Variants in SPTA1 observed in about 807,000 individuals in gnomAD.
The protein encoded by SPTA1 is spectrin alpha chain, erythrocytic 1.
SPTA1 carries 177 observed loss-of-function variants against 324.7 expected under a neutral mutation model. The observed-to-expected ratio is 0.55, with a 90% CI of 0.48 to 0.62. The LOEUF (loss-of-function observed/expected upper bound fraction) is 0.62, where lower values mean the gene tolerates loss of function less well. Among genes scored for constraint, SPTA1 ranks in the 20% least tolerant of loss-of-function variants. SPTA1 has a pLI of 0.00. For synonymous variants in SPTA1, 1,195 were observed against 1,041.3 expected (o/e 1.15, Z -2.84); for missense variants, 3,162 against 2,883.6 (o/e 1.10, Z -2.21).
At chr1:158,678,122 T>G (rs1654522623) in intron 6 of SPTA1, among the ~76,000 whole-genome samples, 1 of 152,074 alleles carries the variant, frequency 6.6e-6, no homozygotes, top group Admixed American at 6.6e-5. Context: ...TCCATTTAAT[T>G]ATTAACCTGC....
Position 158,613,840 on chromosome 1 carries a change from G to T in SPTA1, c.6870C>A (p.Arg2290=), listed in dbSNP as rs376766197. 1.9e-5 allele frequency: 30 copies of T among 1,613,646 alleles called. No individual in the cohort carries two copies. In the African/African-American group the frequency reaches 3.9e-4, roughly 21 times the overall value. ...AGGACCGGAACTCTTTGTGAGTCAG[G>T]CGCCCTGTCAAATTCTCATCAAAGT... ...YKHFDENLTG[R]LTHKEFRSCL... Residue 2290 remains arginine (R), a synonymous_variant, in exon 50 of 52, where the codon CGC becomes CGA. Transcript: ENST00000643759.
chr1:158,679,491 T>C (rs1378266335), intron 5 of SPTA1, among the ~76,000 whole-genome samples: 1 of 152,100 alleles, frequency 6.6e-6, no homozygotes, highest in Non-Finnish European at 1.5e-5. Context: ...ACTTTCATTT[T>C]CTATTCTCAC....
chr1:158,669,439 T>C lies in SPTA1; in HGVS notation c.1802A>G (p.Lys601Arg), dbSNP rs1653842579. 6.2e-7 allele frequency: 1 copy of C among 1,614,156 alleles called. No individual in the cohort carries two copies. Among genetic ancestry groups the C allele is most frequent in the South Asian group, 1.1e-5 (1 of 91,086 alleles). Residue 601 changes from lysine (K) to arginine (R), a missense_variant, in exon 14 of 52, where the codon AAG (lysine) becomes AGG (arginine). Transcript: ENST00000643759. ...SDDLKNWINK[K>R]KKLADDEDYK... ...ATCTTCATCATCTGCCAACTTTTTCTTCTTGTTGATCCAGTTCTTTAGGTC... is the reference window on the plus strand; with the variant it reads ...ATCTTCATCATCTGCCAACTTTTTCCTCTTGTTGATCCAGTTCTTTAGGTC...
At chr1:158,653,074 T>C (rs1428662561) in intron 22 of SPTA1, among the ~76,000 whole-genome samples, 200 bp downstream of exon 22, 1 of 152,056 alleles carries the variant, frequency 6.6e-6, no homozygotes, top group Admixed American at 6.6e-5. Context: ...CTCAGGAAAT[T>C]GATGGAATGA....
chr1:158,662,509 A>G (rs1356597788), intron 17 of SPTA1, among the ~76,000 whole-genome samples, 193 bp downstream of exon 17: 2 of 152,258 alleles, frequency 1.3e-5, no homozygotes, highest in East Asian at 1.9e-4. Context: ...GCTCATGTCC[A>G]GTTTTAGGAG....
rs1426049996 is a variant in SPTA1, at chr1:158,611,236, T to C, written c.*28A>G. On this transcript the variant is annotated 3_prime_UTR_variant, in exon 52 of 52. Transcript: ENST00000643759. ...CAGTAAATTTCCCACGACACTAAGA[T>C]TTTCTACGATCCACGAGGAGCTGCT... The C allele has an allele frequency of 2.5e-6, 4 of 1,612,174 alleles. No homozygotes were observed. Among genetic ancestry groups the C allele is most frequent in the East Asian group, 4.5e-5 (2 of 44,802 alleles).
At position 158,667,838 on chromosome 1, in the gene SPTA1, C is replaced by T. The variant is rs1653719170; in HGVS notation, c.2038+20G>A. 1 of 1,612,444 alleles carries T rather than the reference C, an allele frequency of 6.2e-7. No individual in the cohort carries two copies. Among genetic ancestry groups the T allele is most frequent in the Admixed American group, 1.7e-5 (1 of 59,774 alleles). Reference sequence around the variant, plus strand: ...TCAGAATTTAGAAAATGACCTTTCACCAAAACCTCTGCTTTTTACCTTTCT... The same window carrying T: ...TCAGAATTTAGAAAATGACCTTTCATCAAAACCTCTGCTTTTTACCTTTCT... On this transcript the variant is annotated intron_variant, in intron 15 of 51. Transcript: ENST00000643759.
At chr1:158,628,037 A>G (rs1650399947) in intron 39 of SPTA1, among the ~76,000 whole-genome samples, 1 of 152,168 alleles carries the variant, frequency 6.6e-6, no homozygotes, top group Non-Finnish European at 1.5e-5. Context: ...ATTCCTCCAT[A>G]TTGAGATTTA....
Position 158,666,489 on chromosome 1 carries a change from A to G in SPTA1, c.2047T>C (p.Leu683=), listed in dbSNP as rs765791204. 6.2e-7 allele frequency: 1 copy of G among 1,608,708 alleles called. No homozygotes were observed. The highest frequency in any genetic ancestry group is 8.5e-7 in the Non-Finnish European group (1 of 1,179,922). The change falls in exon 16 of 52, where the codon TTG becomes CTG. Residue 683 remains leucine, a synonymous_variant. Transcript: ENST00000643759. Reference sequence around the variant, plus strand: ...TGCAGCTGCTGGTTGGCCTCATGCAACTGGGTCCCTGGGAGAAGACATAAG... The same window carrying G: ...TGCAGCTGCTGGTTGGCCTCATGCAGCTGGGTCCCTGGGAGAAGACATAAG... The part of the protein sequence containing the change: ...LEATKQKGTQ[L]HEANQQLQFE...
intron 14 of SPTA1, 45 bp from the exon 15 acceptor site, chr1:158,668,107 T>C: frequency 1.9e-6 from 3 of 1,585,846 alleles, no homozygotes; most frequent in Non-Finnish European, 2.6e-6. Context: ...ACCTGAAGAA[T>C]GAGGGACAGA....
At chr1:158,617,703 T>C (rs1649645174) in intron 46 of SPTA1, 115 bp from the exon 47 acceptor site, 3 of 1,091,972 alleles carry the variant, frequency 2.7e-6, no homozygotes, top group South Asian at 2.7e-5. Context: ...GTGGCTTACA[T>C]GAAGCAAAAT....
Position 158,620,382 on chromosome 1 carries a change from G to A in SPTA1, c.6205C>T (p.Pro2069Ser). 6.2e-7 allele frequency: 1 copy of A among 1,613,982 alleles called. No homozygotes were observed. The highest frequency in any genetic ancestry group is 8.5e-7 in the Non-Finnish European group (1 of 1,180,038). The change falls in exon 44 of 52, where the codon CCT becomes TCT. Residue 2069 changes from proline to serine, a missense_variant. Transcript: ENST00000643759. ...TCATTCAGGGAGACACAGTGCACAGGCTCTGACAAGTTTTCTTCCATCTTT... is the reference window on the plus strand; with the variant it reads ...TCATTCAGGGAGACACAGTGCACAGACTCTGACAAGTTTTCTTCCATCTTT... ...CEKMEENLSE[P>S]VHCVSLNEIR...
intron 6 of SPTA1, 58 bp from the exon 7 acceptor site, chr1:158,677,892 G>A (rs1328586504): frequency 9.3e-6 from 15 of 1,608,014 alleles, no homozygotes; most frequent in African/African-American, 8.0e-5. Context: ...CAGGGCAAAC[G>A]GTCCAACAGA....
intron 17 of SPTA1, 44 bp from the exon 18 acceptor site, chr1:158,661,453 A>G (rs371351151): frequency 4.3e-6 from 7 of 1,613,052 alleles, no homozygotes; most frequent in South Asian, 3.3e-5. Context: ...ATCCTGGTGT[A>G]TGGAAGTAGC....
Position 158,680,656 on chromosome 1 carries a change from T to C in SPTA1, c.605A>G (p.Asp202Gly). 2 of 1,613,908 alleles carry C rather than the reference T, an allele frequency of 1.2e-6. No homozygotes were observed. The highest frequency in any genetic ancestry group is 2.2e-5 in the East Asian group (1 of 44,876). Residue 202 changes from aspartate to glycine, a missense_variant, in exon 5 of 52, where the codon GAC (aspartate) becomes GGC (glycine). Asp to Gly is a moderately conservative substitution (Grantham distance 94, BLOSUM62 -1). Transcript: ENST00000643759. ...RTEVLHKKFEDFQVELVAKEG... is the reference protein window; with the variant it reads ...RTEVLHKKFEGFQVELVAKEG... ...TTTAGCTACCAGCTCCACTTGGAAG[T>C]CTTCAAATTTCTTATGCAGAACTTC...
chr1:158,634,683 A>G lies in SPTA1; in HGVS notation c.5433-8T>C. 1 of 1,613,678 alleles carries G rather than the reference A, an allele frequency of 6.2e-7. No individual in the cohort carries two copies. The highest frequency in any genetic ancestry group is 8.5e-7 in the Non-Finnish European group (1 of 1,179,668). ...TCTTCCAACTTAAGTCCTCTATAAC[A>G]AGGTGGCAAGCCCCAGTGAGGATAA... On this transcript the variant is annotated splice_polypyrimidine_tract_variant and splice_region_variant and intron_variant, in intron 38 of 51. Coordinates refer to ENST00000643759, the MANE Select transcript of SPTA1 (RefSeq NM_003126.4).
chr1:158,639,461 T>C (rs1275606562), intron 35 of SPTA1, 121 bp downstream of exon 35: 3 of 991,354 alleles, frequency 3.0e-6, no homozygotes, highest in South Asian at 2.6e-5. Context: ...TGACTGCTGG[T>C]TGAGAACACT....
chr1:158,645,267 G>T lies in SPTA1; in HGVS notation c.4115C>A (p.Ala1372Asp), dbSNP rs1335159550. The T allele has an allele frequency of 6.2e-7, 1 of 1,613,898 alleles. No homozygotes were observed. Among genetic ancestry groups the T allele is most frequent in the Non-Finnish European group, 8.5e-7 (1 of 1,179,972 alleles). The change falls in exon 29 of 52, where the codon GCT (alanine) becomes GAT (aspartate). Residue 1372 changes from alanine to aspartate, a missense_variant. By Grantham distance (126) the Ala-to-Asp change is moderately radical. Coordinates refer to ENST00000643759, the MANE Select transcript of SPTA1 (RefSeq NM_003126.4). The part of the protein sequence containing the change: ...ASPEIEKKLQ[A>D]VKLERDDLEK... ...CAAATCATCTCTCTCTAGCTTGACAGCTTGAAGCTTTTTTTCAATTTCAGG... is the reference window on the plus strand; with the variant it reads ...CAAATCATCTCTCTCTAGCTTGACATCTTGAAGCTTTTTTTCAATTTCAGG...
At chr1:158,671,908 C>T (rs886812015) in intron 11 of SPTA1, 151 bp downstream of exon 11, 12 of 914,560 alleles carry the variant, frequency 1.3e-5, no homozygotes, top group Non-Finnish European at 1.9e-5. Context: ...TAGAAAGGGC[C>T]CATCTTTTCT....
Sources: gnomAD v4.1 joint callset for allele counts (sites outside exome capture counted in the v4.1 genomes callset) on GRCh38, gnomAD v4.1.1 for gene constraint, MANE v1.5 for transcripts, NCBI Gene and HGNC (gene_info 2026-07-23, HGNC 2026-07-21) for gene names.